The following COL7A1 variants were observed in gnomAD, a reference collection of about 807,000 sequenced individuals.
COL7A1 encodes the protein collagen alpha-1(VII) chain.
Under a neutral mutation model 456.2 loss-of-function variants are expected in COL7A1, and 296 were observed. That is an observed-to-expected ratio of 0.65 (90% CI 0.59 to 0.71). The LOEUF is 0.71. Ranked by LOEUF, COL7A1 falls within the 30% of genes least tolerant of loss-of-function variation. The pLI, the probability that COL7A1 is intolerant of heterozygous loss-of-function variation, is 0.00. For synonymous variants in COL7A1, 1,464 were observed against 1,525.9 expected (o/e 0.96, Z 0.95); for missense variants, 3,441 against 4,017.2 (o/e 0.86, Z 3.88).
rs1339353383 is a variant in COL7A1, at chr3:48,570,127, GA to G, written c.7485+6del. 6.2e-7 allele frequency: 1 copy of G among 1,614,102 alleles called. No individual in the cohort carries two copies. The highest frequency in any genetic ancestry group is 8.5e-7 in the Non-Finnish European group (1 of 1,179,988). The stretch of plus-strand genomic sequence containing the variant: ...ACAGCACTGTCACTTTCCCCAGCGG[GA>G]CCCACCGTGAGTCCTCGGGGTCCCT... On this transcript the variant is annotated splice_donor_region_variant and intron_variant, in intron 99 of 118. Transcript: ENST00000681320. This position sits in a 1 kb window ranked among gnomAD's most constrained non-coding sequence, Gnocchi z 5.5.
chr3:48,575,783 C>G lies in COL7A1; in HGVS notation c.5857-35G>C. 6.2e-7 allele frequency: 1 copy of G among 1,614,046 alleles called. No homozygotes were observed. The highest frequency in any genetic ancestry group is 1.1e-5 in the South Asian group (1 of 91,086). On this transcript the variant is annotated intron_variant, in intron 72 of 118. Transcript: ENST00000681320. This position sits in a 1 kb window ranked among gnomAD's most constrained non-coding sequence, Gnocchi z 6.3. ...AGCAAGAGGTCAGAGGAGCGGGGTG[C>G]GTCGCCGCAGCCCCTATGCCTGTGG...
intron 44 of COL7A1, 108 bp downstream of exon 44, chr3:48,582,905 T>G: frequency 6.6e-7 from 1 of 1,514,902 alleles, no homozygotes; most frequent in Non-Finnish European, 9.2e-7. Context: ...TAAGTGGTCA[T>G]TGAGGAGGGG....
chr3:48,593,246 G>C lies in COL7A1; in HGVS notation c.538C>G (p.Pro180Ala). The C allele has an allele frequency of 6.2e-7, 1 of 1,614,040 alleles. No individual in the cohort carries two copies. The highest frequency in any genetic ancestry group is 8.5e-7 in the Non-Finnish European group (1 of 1,180,008). ...GAGGCAACTCGCTTCAGCTCCTCAG[G>C]GTCAGCATTCTTGATCCCTGAAGTG... is the stretch of plus-strand genomic sequence containing the variant. ...LFAVGIKNAD[P>A]EELKRVASQP... Residue 180 changes from proline (P) to alanine (A), a missense_variant, in exon 6 of 119, where the codon CCT becomes GCT. Physicochemically the swap from Pro to Ala is conservative, Grantham distance 27. Transcript: ENST00000681320. This position sits in a 1 kb window ranked among gnomAD's most constrained non-coding sequence, Gnocchi z 4.4.
At position 48,592,790 on chromosome 3, in the gene COL7A1, C is replaced by G. The variant is rs749004650; in HGVS notation, c.831G>C (p.Pro277=). ...GACATCCTACCTCCTGCCGCTCACT[C>G]GGCAGTGGCTGTCCCAGCCCCGTCA... is the stretch of plus-strand genomic sequence containing the variant. ...TPLTGLGQPL[P]SERQEVNVPA... is the part of the protein sequence containing the mutation. The change falls in exon 7 of 119, where the codon CCG becomes CCC. Residue 277 remains proline (P), a synonymous_variant. Coordinates refer to ENST00000681320, the MANE Select transcript of COL7A1 (RefSeq NM_000094.4). The surrounding 1 kb of genome is among the most constrained non-coding windows in gnomAD (Gnocchi z 7.6). The G allele has an allele frequency of 6.2e-6, 10 of 1,613,726 alleles. No homozygotes were observed. The Admixed American group carries it at 1.5e-4, about 24-fold the overall frequency.
In COL7A1 at chr3:48,587,067, C is replaced by T. The variant is rs778942747; in HGVS notation, c.3181G>A (p.Ala1061Thr). 1.2e-5 allele frequency: 20 copies of T among 1,610,992 alleles called. No homozygotes were observed. The highest frequency in any genetic ancestry group is 1.7e-5 in the Non-Finnish European group (20 of 1,178,638). ...GCACGGTGAGCATTGTCTTGAGTGG[C>T]ATGTGGTAGGAACACCACATCCGCC... Reference protein sequence around the residue: ...GLADVVFLPHATQDNAHRAEA... With the variant: ...GLADVVFLPHTTQDNAHRAEA... Residue 1061 changes from alanine to threonine, a missense_variant, in exon 25 of 119, where the codon GCC becomes ACC. Transcript: ENST00000681320. The surrounding 1 kb of genome is among the most constrained non-coding windows in gnomAD (Gnocchi z 6.1).
In COL7A1 at chr3:48,583,023, G is replaced by A. The variant is rs150332158; in HGVS notation, c.4508C>T (p.Ala1503Val). Residue 1503 changes from alanine to valine, a missense_variant, in exon 44 of 119, where the codon GCG becomes GTG. This residue lies in a region of COL7A1 where 2,084 missense variants were observed against 2,501.3 expected (regional missense o/e 0.83). Coordinates refer to ENST00000681320, the MANE Select transcript of COL7A1 (RefSeq NM_000094.4). The surrounding 1 kb of genome is among the most constrained non-coding windows in gnomAD (Gnocchi z 5.1). The part of the protein sequence containing the change: ...EKGERGPPGP[A>V]GSRGLPGVAG... The stretch of plus-strand genomic sequence containing the variant: ...AGCCAGTGGGTTTACCCGGGATCCC[G>A]CTGGGCCTGGGGGTCCACGTTCGCC... The A allele has an allele frequency of 5.0e-5, 80 of 1,613,900 alleles. No homozygotes were observed. In the African/African-American group the frequency reaches 6.5e-4, roughly 13 times the overall value.
chr3:48,572,853 A>G lies in COL7A1; in HGVS notation c.6831+9T>C, dbSNP rs1299569165. 1 of 1,613,962 alleles carries G rather than the reference A, an allele frequency of 6.2e-7. No individual in the cohort carries two copies. Among genetic ancestry groups the G allele is most frequent in the African/African-American group, 1.3e-5 (1 of 75,002 alleles). ...CCACACCCTAGCGAGCTGCCCCCAG[A>G]ACACATACTGGCACACCAGGGCTCC... is the stretch of plus-strand genomic sequence containing the variant. On this transcript the variant is annotated intron_variant, in intron 87 of 118. Transcript: ENST00000681320. The surrounding 1 kb of genome is among the most constrained non-coding windows in gnomAD (Gnocchi z 4.6).
chr3:48,576,701 G>C lies in COL7A1; in HGVS notation c.5675C>G (p.Pro1892Arg), dbSNP rs773824386. ...ILGPQGPPGLPGPVGPPGQGF... is the reference protein window; with the variant it reads ...ILGPQGPPGLRGPVGPPGQGF... ...CTGGCCAGGAGGGCCCACTGGCCCT[G>C]GGAGGCCTGGAGGCCCCTGGGGTCC... Residue 1892 changes from proline to arginine, a missense_variant, in exon 68 of 119, where the codon CCA (proline) becomes CGA (arginine). Physicochemically the swap from Pro to Arg is moderately radical, Grantham distance 103 (BLOSUM62 -2). Around this residue, in one of 3 missense-constraint regions of COL7A1, gnomAD observed 2,084 missense variants for 2,501.3 expected, o/e 0.83. Transcript: ENST00000681320. The C allele has an allele frequency of 1.2e-6, 2 of 1,608,622 alleles. No individual in the cohort carries two copies. The highest frequency in any genetic ancestry group is 1.1e-5 in the South Asian group (1 of 90,350).
In COL7A1 at chr3:48,593,614, T is replaced by A; in HGVS notation, c.349A>T (p.Thr117Ser). 1 of 1,614,120 alleles carries A rather than the reference T, an allele frequency of 6.2e-7. No homozygotes were observed. The highest frequency in any genetic ancestry group is 8.5e-7 in the Non-Finnish European group (1 of 1,180,014). Residue 117 changes from threonine (T) to serine (S), a missense_variant, in exon 4 of 119, where the codon ACT becomes TCT. Around this residue, in one of 3 missense-constraint regions of COL7A1, gnomAD observed 913 missense variants for 1,088.2 expected, o/e 0.84. Coordinates refer to ENST00000681320, the MANE Select transcript of COL7A1 (RefSeq NM_000094.4). The surrounding 1 kb of genome is among the most constrained non-coding windows in gnomAD (Gnocchi z 4.4). ...IRELSYKGGN[T>S]RTGAAILHVA... is the part of the protein sequence containing the mutation. Reference sequence around the variant, plus strand: ...TGGAGAATTGCAGCCCCTGTGCGAGTGTTGCCCCCCTTGTAGCTAAGCTCA... The same window carrying A: ...TGGAGAATTGCAGCCCCTGTGCGAGAGTTGCCCCCCTTGTAGCTAAGCTCA...
chr3:48,586,752 G>C lies in COL7A1; in HGVS notation c.3277-63C>G, dbSNP rs2045294978. 4 of 1,545,560 alleles carry C rather than the reference G, an allele frequency of 2.6e-6. No homozygotes were observed. Among genetic ancestry groups the C allele is most frequent in the Non-Finnish European group, 3.5e-6 (4 of 1,142,894 alleles). ...CAGAGCAGGGATGGGGGTGCACAGA[G>C]CCTGGAGAAACACATCAGGGTGTGT... On this transcript the variant is annotated intron_variant, in intron 25 of 118. Transcript: ENST00000681320. This position sits in a 1 kb window ranked among gnomAD's most constrained non-coding sequence, Gnocchi z 5.1.
chr3:48,575,211 T>G lies in COL7A1; in HGVS notation c.6212A>C (p.Glu2071Ala). 1 of 1,613,944 alleles carries G rather than the reference T, an allele frequency of 6.2e-7. No individual in the cohort carries two copies. The highest frequency in any genetic ancestry group is 1.1e-5 in the South Asian group (1 of 91,074). ...GERGEKGERGEQGRDGPPGLP... is the reference protein window; with the variant it reads ...GERGEKGERGAQGRDGPPGLP... ...ACGAAGCCCATCGCAGCCCACCTGT[T>G]CTCCACGTTCTCCTTTCTCTCCCCG... is the stretch of plus-strand genomic sequence containing the variant. Residue 2071 changes from glutamate to alanine, a missense_variant, in exon 75 of 119, where the codon GAA becomes GCA. Glu to Ala is a moderately radical substitution (Grantham distance 107). Around this residue, in one of 3 missense-constraint regions of COL7A1, gnomAD observed 2,084 missense variants for 2,501.3 expected, o/e 0.83. Transcript: ENST00000681320. This position sits in a 1 kb window ranked among gnomAD's most constrained non-coding sequence, Gnocchi z 6.3.
chr3:48,584,010 CT>C, intron 38 of COL7A1, 24 bp downstream of exon 38: 3 of 1,614,048 alleles, frequency 1.9e-6, no homozygotes, highest in Admixed American at 1.7e-5. Context: ...CAAGCCACCC[CT>C]AGCACAACCT....
At position 48,592,011 on chromosome 3, in the gene COL7A1, G is replaced by T; in HGVS notation, c.1244C>A (p.Ala415Asp). Reference protein sequence around the residue: ...PATSLMARTDASVEQTLRPVI... With the variant: ...PATSLMARTDDSVEQTLRPVI... ...CGGGCGCAGGGTCTGCTCAACAGAA[G>T]CGTCTGCCCAGGGCACATGGGATGT... The change falls in exon 11 of 119, where the codon GCT becomes GAT. Residue 415 changes from alanine (A) to aspartate (D), a missense_variant. By Grantham distance (126) the Ala-to-Asp change is moderately radical (BLOSUM62 -2). This residue lies in a region of COL7A1 where 913 missense variants were observed against 1,088.2 expected (regional missense o/e 0.84). Transcript: ENST00000681320. The surrounding 1 kb of genome is among the most constrained non-coding windows in gnomAD (Gnocchi z 7.6). The T allele has an allele frequency of 6.2e-7, 1 of 1,614,210 alleles. No homozygotes were observed. Among genetic ancestry groups the T allele is most frequent in the Non-Finnish European group, 8.5e-7 (1 of 1,180,032 alleles).
intron 16 of COL7A1, 53 bp from the exon 17 acceptor site, chr3:48,589,771 G>T (rs1273460274): frequency 6.8e-6 from 11 of 1,613,012 alleles, no homozygotes; most frequent in Non-Finnish European, 8.5e-6. Flanking sequence ...AAGGAGTGGG[G>T]CTATCTGATA....
rs1182482791 is a variant in COL7A1, at chr3:48,589,317, G to A, written c.2314+10C>T. The A allele has an allele frequency of 1.9e-6, 3 of 1,612,082 alleles. No homozygotes were observed. The highest frequency in any genetic ancestry group is 2.2e-5 in the East Asian group (1 of 44,884). On this transcript the variant is annotated intron_variant, in intron 18 of 118. Coordinates refer to ENST00000681320, the MANE Select transcript of COL7A1 (RefSeq NM_000094.4). ...GCGGTGTGGCTAGTAGCTGGCCAGG[G>A]TCCACTCACCAGTCCTCACAACCAC...
In COL7A1 at chr3:48,591,418, G is replaced by A; in HGVS notation, c.1636+46C>T. 6.2e-7 allele frequency: 1 copy of A among 1,608,718 alleles called. No individual in the cohort carries two copies. Among genetic ancestry groups the A allele is most frequent in the Non-Finnish European group, 8.5e-7 (1 of 1,177,100 alleles). On this transcript the variant is annotated intron_variant, in intron 13 of 118. Coordinates refer to ENST00000681320, the MANE Select transcript of COL7A1 (RefSeq NM_000094.4). This position sits in a 1 kb window ranked among gnomAD's most constrained non-coding sequence, Gnocchi z 7.0. ...GAGGTACACTCAGACCCCTCAGGCT[G>A]GAACTTCAGTGTGTGTGGTGGGGGT...
chr3:48,585,882 G>A lies in COL7A1; in HGVS notation c.3760-26C>T, dbSNP rs768486583. On this transcript the variant is annotated intron_variant, in intron 29 of 118. Coordinates refer to ENST00000681320, the MANE Select transcript of COL7A1 (RefSeq NM_000094.4). The surrounding 1 kb of genome is among the most constrained non-coding windows in gnomAD (Gnocchi z 4.5). ...CTGGGGAAAGACATGTCAGATGTGG[G>A]TCAGAGTGGCTAGCCCCAGGTGCAG... 9.3e-6 allele frequency: 15 copies of A among 1,613,992 alleles called. No individual in the cohort carries two copies. The Admixed American group carries it at 2.2e-4, about 23-fold the overall frequency.
In COL7A1 at chr3:48,568,602, G is replaced by A; in HGVS notation, c.7759-68C>T. ...CCCAACACTGGCCCATCCGCTGCATGTGTGGCCACTCAGATGCTCAGCGGC... is the reference window on the plus strand; with the variant it reads ...CCCAACACTGGCCCATCCGCTGCATATGTGGCCACTCAGATGCTCAGCGGC... On this transcript the variant is annotated intron_variant, in intron 104 of 118. Transcript: ENST00000681320. The surrounding 1 kb of genome is among the most constrained non-coding windows in gnomAD (Gnocchi z 5.2). 2.6e-6 allele frequency: 4 copies of A among 1,551,946 alleles called. No individual in the cohort carries two copies. Among genetic ancestry groups the A allele is most frequent in the Non-Finnish European group, 2.6e-6 (3 of 1,139,230 alleles).
At position 48,592,793 on chromosome 3, in the gene COL7A1, C is replaced by T. The variant is rs761029751; in HGVS notation, c.828G>A (p.Leu276=). 1 of 1,613,836 alleles carries T rather than the reference C, an allele frequency of 6.2e-7. No homozygotes were observed. The highest frequency in any genetic ancestry group is 8.5e-7 in the Non-Finnish European group (1 of 1,180,048). The change falls in exon 7 of 119, where the codon CTG becomes CTA. Residue 276 remains leucine, a synonymous_variant. Transcript: ENST00000681320. The surrounding 1 kb of genome is among the most constrained non-coding windows in gnomAD (Gnocchi z 7.6). ...YTPLTGLGQP[L]PSERQEVNVP... ...ATCCTACCTCCTGCCGCTCACTCGG[C>T]AGTGGCTGTCCCAGCCCCGTCAGAG...
Sources: allele counts gnomAD v4.1 joint callset, GRCh38; gene constraint gnomAD v4.1.1; regional missense constraint gnomAD v4.1.1; non-coding constraint Gnocchi (gnomAD v3.1); transcripts MANE v1.5; gene names NCBI Gene and HGNC (gene_info 2026-07-23, HGNC 2026-07-21).